Variants in LYZL4 observed in about 807,000 individuals in gnomAD.
LYZL4 encodes lysozyme-like protein 4.
In LYZL4, 13 loss-of-function variants were observed where a neutral mutation model predicts 17.6. That is an observed-to-expected ratio of 0.74 (90% CI 0.48 to 1.18). LYZL4 has a LOEUF of 1.18. Ranked by LOEUF, LYZL4 falls within the 50% of genes most tolerant of loss-of-function variation. The pLI is 0.00. For missense variants in LYZL4, 174 were observed against 188.2 expected, an observed-to-expected ratio of 0.92 and a Z score of 0.44; for synonymous variants, 64 against 67.7, an observed-to-expected ratio of 0.95 and a Z score of 0.27.
chr3:42,380,361 G>T, the LYZL4 span, among the ~76,000 whole-genome samples: 1 of 152,162 alleles, frequency 6.6e-6, no homozygotes, highest in Non-Finnish European at 1.5e-5. Flanking sequence ...CTATATTTAT[G>T]TTCATGATCT....
chr3:42,362,349 A>T, the LYZL4 span, among the ~76,000 whole-genome samples: 1 of 152,238 alleles, frequency 6.6e-6, no homozygotes, highest in Admixed American at 6.5e-5. Context: ...GAAAGGCACC[A>T]TCTGACAATC....
the LYZL4 span, among the ~76,000 whole-genome samples, chr3:42,370,385 G>A: frequency 6.6e-6 from 1 of 150,952 alleles, no homozygotes; most frequent in Non-Finnish European, 1.5e-5. Context: ...TCAGAACACA[G>A]GCCTTAAATA....
chr3:42,365,616 C>T, the LYZL4 span, among the ~76,000 whole-genome samples: 1 of 152,112 alleles, frequency 6.6e-6, no homozygotes, highest in Non-Finnish European at 1.5e-5. Flanking sequence ...TCCCATTGGC[C>T]AAAGCAAGTC....
rs527975915 is a variant in LYZL4, at chr3:42,397,147, T to C, written c.*118A>G. 2 of 732,344 alleles carry C rather than the reference T, an allele frequency of 2.7e-6. No homozygotes were observed. The highest frequency in any genetic ancestry group is 2.8e-5 in the Admixed American group (1 of 36,056). The allele number at this position is 732,344 out of a possible 1,614,324, so 45.4% of individuals were successfully genotyped here. A position where few individuals can be genotyped will look rare whatever the true frequency, so the allele number is the denominator to read the frequency against. ...CGGATGAAGCAAACTTTTGTCTTTT[T>C]CCATCTGGAACTCTTAAAGTGGTGA... On this transcript the variant is annotated 3_prime_UTR_variant, in exon 5 of 5. Transcript: ENST00000287748.
chr3:42,386,395 G>GCTCCCCCC, the LYZL4 span, among the ~76,000 whole-genome samples: 2 of 107,460 alleles, frequency 1.9e-5, no homozygotes, highest in African/African-American at 3.7e-5. Context: ...GAGCCACCAC[G>GCTCCCCCC]CCCCCCCCCC....
chr3:42,373,581 G>A, the LYZL4 span, among the ~76,000 whole-genome samples: 2 of 152,110 alleles, frequency 1.3e-5, no homozygotes, highest in East Asian at 1.9e-4. Flanking sequence ...CCTTGGGGGA[G>A]AACCTTAAGA....
chr3:42,394,992 T>C (rs1186147304), downstream of LYZL4, among the ~76,000 whole-genome samples: 1 of 152,216 alleles, frequency 6.6e-6, no homozygotes, highest in African/African-American at 2.4e-5. Context: ...AAAAAGTTGA[T>C]CAAAGCTTCA....
the LYZL4 span, among the ~76,000 whole-genome samples, chr3:42,388,778 T>G: frequency 2.0e-5 from 3 of 152,260 alleles, no homozygotes; most frequent in Non-Finnish European, 2.9e-5. Flanking sequence ...AGGCTGTTTT[T>G]GACATGTGAA....
At chr3:42,380,772 A>C in the LYZL4 span, among the ~76,000 whole-genome samples, 1 of 152,140 alleles carries the variant, frequency 6.6e-6, no homozygotes, top group African/African-American at 2.4e-5. Context: ...CTGCTAACAA[A>C]TATTCACTTT....
At chr3:42,379,312 G>C in the LYZL4 span, among the ~76,000 whole-genome samples, 1 of 152,176 alleles carries the variant, frequency 6.6e-6, no homozygotes, top group African/African-American at 2.4e-5. Flanking sequence ...CAACATAGGG[G>C]CTGGGTTCTA....
At chr3:42,364,523 T>G in the LYZL4 span, among the ~76,000 whole-genome samples, 1 of 152,000 alleles carries the variant, frequency 6.6e-6, no homozygotes, top group Non-Finnish European at 1.5e-5. Flanking sequence ...TTTTGTATTT[T>G]TAGTAGAGAC....
At chr3:42,372,680 C>T in the LYZL4 span, among the ~76,000 whole-genome samples, 2 of 152,198 alleles carry the variant, frequency 1.3e-5, no homozygotes, top group Non-Finnish European at 2.9e-5. Flanking sequence ...GTCATGGCTG[C>T]TGGGGAGTGG....
chr3:42,370,043 G>T, the LYZL4 span, among the ~76,000 whole-genome samples: 1 of 152,090 alleles, frequency 6.6e-6, no homozygotes, highest in Non-Finnish European at 1.5e-5. Context: ...GACTCCAGGG[G>T]CTCCCACGCT....
At chr3:42,406,512 G>C (rs1001427809) in intron 3 of LYZL4, among the ~76,000 whole-genome samples, 1 of 151,194 alleles carries the variant, frequency 6.6e-6, no homozygotes, top group Non-Finnish European at 1.5e-5. Flanking sequence ...GTGGCCGAGC[G>C]TGGGTGAAAT....
the LYZL4 span, among the ~76,000 whole-genome samples, chr3:42,385,308 AT>A: frequency 1.3e-5 from 2 of 152,142 alleles, no homozygotes; most frequent in Non-Finnish European, 2.9e-5. Flanking sequence ...TTACAATACC[AT>A]ATTTTTTCTG....
rs932201988 is a variant in LYZL4, at chr3:42,404,003, G to A, written c.371+43C>T. The A allele has an allele frequency of 4.4e-6, 6 of 1,360,812 alleles. No homozygotes were observed. In the African/African-American group the frequency reaches 7.2e-5, roughly 16 times the overall value. 84.3% of individuals were successfully genotyped at this position (1,360,812 alleles called of 1,614,324 possible). On this transcript the variant is annotated intron_variant, in intron 4 of 4. Coordinates refer to ENST00000287748, the MANE Select transcript of LYZL4 (RefSeq NM_144634.4). ...CCAAGATTCAGATTAGAGATCATGA[G>A]TGAAAGTCGTTAATACAGGCTACAT...
At chr3:42,362,835 A>C in the LYZL4 span, among the ~76,000 whole-genome samples, 2 of 152,222 alleles carry the variant, frequency 1.3e-5, no homozygotes, top group Admixed American at 1.3e-4. Context: ...ACAAAGGGGA[A>C]ATGTGCCTTT....
the LYZL4 span, among the ~76,000 whole-genome samples, chr3:42,387,571 C>T: frequency 6.6e-6 from 1 of 152,150 alleles, no homozygotes; most frequent in African/African-American, 2.4e-5. Flanking sequence ...CGCCTCCCCC[C>T]AACCCCTCAT....
the LYZL4 span, among the ~76,000 whole-genome samples, chr3:42,364,122 G>A: frequency 6.6e-6 from 1 of 152,182 alleles, no homozygotes; most frequent in South Asian, 2.1e-4. Context: ...CTGGGAGGCA[G>A]TCATGGGAGA....
Sources: gnomAD v4.1 joint callset for allele counts (sites outside exome capture counted in the v4.1 genomes callset) on GRCh38, gnomAD v4.1.1 for gene constraint, MANE v1.5 for transcripts, NCBI Gene and HGNC (gene_info 2026-07-23, HGNC 2026-07-21) for gene names.